MGAT4C: variants seen among roughly 807,000 people sequenced by gnomAD.
The protein encoded by MGAT4C is MGAT4 family member C, also known as alpha-1,3-mannosyl-glycoprotein 4-beta-N-acetylglucosaminyltransferase C.
Under a neutral mutation model 40.1 loss-of-function variants are expected in MGAT4C, and 19 were observed. The observed-to-expected ratio is 0.47, with a 90% confidence interval of 0.33 to 0.70. The LOEUF is 0.70. MGAT4C is among the 30% of genes least tolerant of loss of function. The pLI is 0.02. For missense variants in MGAT4C, 491 were observed against 563.2 expected (o/e 0.87, Z 1.30); for synonymous variants, 181 against 187.1 (o/e 0.97, Z 0.27).
chr12:86,071,300 G>C (rs1868408150), intron 1 of MGAT4C, among the ~76,000 whole-genome samples: 1 of 151,980 alleles, frequency 6.6e-6, no homozygotes, highest in Non-Finnish European at 1.5e-5. Context: ...AAATAAATCT[G>C]ATAGGTACTA....
chr12:86,450,589 T>C (rs2136286582), intron 2 of MGAT4C, among the ~76,000 whole-genome samples: 1 of 152,248 alleles, frequency 6.6e-6, no homozygotes, highest in East Asian at 1.9e-4. Context: ...TATATCAAAG[T>C]AACGACTATA....
At chr12:86,332,435 A>T (rs61385007) in intron 4 of MGAT4C, among the ~76,000 whole-genome samples, 2,083 of 152,018 alleles carry the variant, frequency 0.014, 62 homozygotes, top group African/African-American at 0.048. Context: ...AAAAAGAAAA[A>T]AAAAGCCCCA....
chr12:86,547,729 A>T (rs1959204549), intron 2 of MGAT4C, among the ~76,000 whole-genome samples: 1 of 152,158 alleles, frequency 6.6e-6, no homozygotes, highest in Non-Finnish European at 1.5e-5. Flanking sequence ...GGTGGAATTA[A>T]ATCATTGGGT....
intron 2 of MGAT4C, among the ~76,000 whole-genome samples, chr12:86,552,249 A>T (rs1303151360): frequency 6.6e-6 from 1 of 152,060 alleles, no homozygotes; most frequent in East Asian, 1.9e-4. Flanking sequence ...GTAGGATATT[A>T]TGTTAAGTGA....
Position 86,343,614 on chromosome 12 carries a change from G to A in MGAT4C, c.-119-9487C>T, listed in dbSNP as rs981034820. On this transcript the variant is annotated intron_variant, in intron 3 of 7. Transcript: ENST00000548651. ...ACATTAAAAAATTGAGAAATGCATT[G>A]TGTAAAACCGAAAGACAAACCTCAC... is the stretch of plus-strand genomic sequence containing the variant. Among the ~76,000 whole-genome samples the A allele has an allele frequency of 3.3e-5, 5 of 152,134 alleles. 1 individual carries two copies. Among genetic ancestry groups the A allele is most frequent in the Admixed American group, 3.3e-4 (5 of 15,266 alleles).
At chr12:86,307,741 C>T (rs1566276133) in intron 4 of MGAT4C, among the ~76,000 whole-genome samples, 2 of 150,182 alleles carry the variant, frequency 1.3e-5, no homozygotes, top group Non-Finnish European at 1.5e-5. Flanking sequence ...CTAGCTCTGT[C>T]GCCCAGGCTG....
Position 86,726,400 on chromosome 12 carries a change from T to A in MGAT4C, c.-229+809A>T, listed in dbSNP as rs1950822221. Reference sequence around the variant, plus strand: ...CATTTGAATAACACTGCTGTGTAAATCTGTGGTTGACAATACGATATTACC... The same window carrying A: ...CATTTGAATAACACTGCTGTGTAAAACTGTGGTTGACAATACGATATTACC... On this transcript the variant is annotated intron_variant, in intron 2 of 7. Coordinates refer to the MGAT4C transcript ENST00000548651. Among the ~76,000 whole-genome samples the A allele has an allele frequency of 3.9e-5, 6 of 152,184 alleles. 1 individual carries two copies. In the South Asian group the frequency reaches 1.2e-3, roughly 31 times the overall value.
intron 1 of MGAT4C, among the ~76,000 whole-genome samples, chr12:86,737,945 A>AT (rs1951011925): frequency 6.6e-6 from 1 of 151,518 alleles, no homozygotes; most frequent in South Asian, 2.1e-4. Context: ...TTTTTAGTCT[A>AT]TTTTAAAAAG....
intron 2 of MGAT4C, among the ~76,000 whole-genome samples, chr12:86,602,254 C>A (rs1479774525): frequency 2.0e-5 from 3 of 152,044 alleles, no homozygotes; most frequent in Admixed American, 6.5e-5. Flanking sequence ...CCAGCAGGCA[C>A]GGACAAAACT....
chr12:86,801,750 A>G (rs2136203942), intron 1 of MGAT4C, among the ~76,000 whole-genome samples: 1 of 152,004 alleles, frequency 6.6e-6, no homozygotes, highest in African/African-American at 2.4e-5. Context: ...TTATTTTCCC[A>G]TTCCCACACA....
chr12:86,074,785 GAAAAGAGATTTTCCCTTATAA>G (rs35046959), intron 1 of MGAT4C, among the ~76,000 whole-genome samples: 6,872 of 152,172 alleles, frequency 0.045, 304 homozygotes, highest in African/African-American at 0.11. Flanking sequence ...GAAGGCCAAG[GAAAAGAGATTTTCCCTTATAA>G]AAGCATCAGA....
At chr12:86,456,382 G>A (rs1957512107) in intron 2 of MGAT4C, among the ~76,000 whole-genome samples, 1 of 152,066 alleles carries the variant, frequency 6.6e-6, no homozygotes. Context: ...ATAAACTACA[G>A]TCATGTGGAT....
intron 2 of MGAT4C, among the ~76,000 whole-genome samples, chr12:86,046,376 A>T (rs1261196523): frequency 6.6e-6 from 1 of 152,172 alleles, no homozygotes; most frequent in East Asian, 1.9e-4. Flanking sequence ...TCCCTTGTGA[A>T]ACCCTTCCCT....
intron 2 of MGAT4C, among the ~76,000 whole-genome samples, chr12:86,691,684 T>A (rs1358848399): frequency 6.6e-6 from 1 of 152,160 alleles, no homozygotes. Context: ...ATTTTTCAAT[T>A]ATTTCCACTT....
At chr12:86,737,014 TAAAA>T (rs11341650) in intron 1 of MGAT4C, among the ~76,000 whole-genome samples, 26 of 129,764 alleles carry the variant, frequency 2.0e-4, no homozygotes, top group African/African-American at 5.7e-4. Flanking sequence ...TGCAATTCTA[TAAAA>T]AAAAAAAAAA....
intron 1 of MGAT4C, among the ~76,000 whole-genome samples, chr12:86,229,243 T>G (rs2136009574): frequency 6.6e-6 from 1 of 152,024 alleles, no homozygotes; most frequent in African/African-American, 2.4e-5. Context: ...TTAGAAATGC[T>G]TAATGTCTTA....
At chr12:86,454,015 A>T (rs546725356) in intron 2 of MGAT4C, among the ~76,000 whole-genome samples, 2 of 152,258 alleles carry the variant, frequency 1.3e-5, no homozygotes, top group South Asian at 2.1e-4. Flanking sequence ...ACATTAGGGC[A>T]TTACTTACAT....
intron 2 of MGAT4C, among the ~76,000 whole-genome samples, chr12:86,678,861 G>C (rs1949921393): frequency 6.6e-6 from 1 of 152,018 alleles, no homozygotes; most frequent in South Asian, 2.1e-4. Context: ...CCAAGTCTTT[G>C]CTATTGTTAA....
chr12:86,352,801 G>A (rs183062563), intron 3 of MGAT4C, among the ~76,000 whole-genome samples: 1 of 151,304 alleles, frequency 6.6e-6, no homozygotes, highest in Non-Finnish European at 1.5e-5. Flanking sequence ...CTCACTCATA[G>A]GTGGGAATTG....
Sources: gnomAD v4.1 joint callset for allele counts (sites outside exome capture counted in the v4.1 genomes callset) on GRCh38, gnomAD v4.1.1 for gene constraint, MANE v1.5 for transcripts, NCBI Gene and HGNC (gene_info 2026-07-23, HGNC 2026-07-21) for gene names.